ZRANB3: variants seen among roughly 807,000 people sequenced by gnomAD.
ZRANB3 encodes the protein zinc finger RANBP2-type containing 3.
ZRANB3 carries 125 observed loss-of-function variants against 133.8 expected under a neutral mutation model. That is an observed-to-expected ratio of 0.93 (90% CI 0.81 to 1.08). The LOEUF (loss-of-function observed/expected upper bound fraction) is 1.08, where lower values mean the gene tolerates loss of function less well. Ranked by LOEUF, ZRANB3 falls within the 50% of genes least tolerant of loss-of-function variation. ZRANB3 has a pLI of 0.00. For synonymous variants in ZRANB3, 387 were observed against 432.7 expected, an observed-to-expected ratio of 0.89 and a Z score of 1.31; for missense variants, 1,229 against 1,275.5, an observed-to-expected ratio of 0.96 and a Z score of 0.56.
chr2:135,363,928 T>C (rs1170029183), intron 3 of ZRANB3, among the ~76,000 whole-genome samples: 1 of 152,078 alleles, frequency 6.6e-6, no homozygotes, highest in Non-Finnish European at 1.5e-5. Flanking sequence ...AATACAAAAA[T>C]TTGCTGATGT....
At chr2:135,205,776 C>T (rs923881690) in intron 19 of ZRANB3, among the ~76,000 whole-genome samples, 1 of 152,184 alleles carries the variant, frequency 6.6e-6, no homozygotes, top group African/African-American at 2.4e-5. Flanking sequence ...ATTAAAATTA[C>T]ATTTTTCAAT....
intron 10 of ZRANB3, among the ~76,000 whole-genome samples, chr2:135,270,147 CAA>C (rs1680445737): frequency 6.6e-6 from 1 of 151,800 alleles, no homozygotes; most frequent in Admixed American, 6.6e-5. Context: ...AATACAGAGA[CAA>C]ATATATTAAA....
chr2:135,224,296 T>C, intron 15 of ZRANB3, 130 bp downstream of exon 15: 2 of 710,640 alleles, frequency 2.8e-6, no homozygotes, highest in Non-Finnish European at 4.5e-6. Flanking sequence ...ACACAGAAAT[T>C]TGAGAATTAG....
intron 5 of ZRANB3, among the ~76,000 whole-genome samples, chr2:135,346,448 G>A (rs1184038818): frequency 6.6e-6 from 1 of 151,956 alleles, no homozygotes; most frequent in Non-Finnish European, 1.5e-5. Flanking sequence ...TCATATAACT[G>A]TGTGTGTATA....
intron 8 of ZRANB3, among the ~76,000 whole-genome samples, chr2:135,288,273 A>C (rs1005682440): frequency 1.3e-5 from 2 of 152,140 alleles, no homozygotes; most frequent in African/African-American, 2.4e-5. Flanking sequence ...CAGCATCCCT[A>C]ATATGAAACC....
At chr2:135,248,026 T>A (rs183669566) in intron 12 of ZRANB3, among the ~76,000 whole-genome samples, 128 of 152,274 alleles carry the variant, frequency 8.4e-4, no homozygotes, top group African/African-American at 2.9e-3. Flanking sequence ...AACAGGCCTG[T>A]ACCTCCCTGG....
At chr2:135,425,818 G>A (rs1025198634) in intron 2 of ZRANB3, among the ~76,000 whole-genome samples, 4 of 151,792 alleles carry the variant, frequency 2.6e-5, no homozygotes, top group African/African-American at 9.7e-5. Context: ...CCCAAGGATA[G>A]CAGAAGACAA....
intron 2 of ZRANB3, among the ~76,000 whole-genome samples, chr2:135,435,361 T>G (rs1689488124): frequency 6.6e-6 from 1 of 152,164 alleles, no homozygotes; most frequent in Non-Finnish European, 1.5e-5. Flanking sequence ...CCATGGTGTA[T>G]ATGTATCACA....
intron 3 of ZRANB3, among the ~76,000 whole-genome samples, chr2:135,363,798 T>C (rs367788221): frequency 1.3e-5 from 2 of 152,190 alleles, no homozygotes; most frequent in Admixed American, 6.5e-5. Flanking sequence ...AAATTCTGAT[T>C]CAATAGAAAT....
chr2:135,246,249 A>G (rs1005543749), intron 12 of ZRANB3, among the ~76,000 whole-genome samples: 1 of 152,006 alleles, frequency 6.6e-6, no homozygotes, highest in East Asian at 2.0e-4. Flanking sequence ...CAACTCATGG[A>G]GACTCAAGCA....
intron 2 of ZRANB3, among the ~76,000 whole-genome samples, chr2:135,466,900 C>T (rs987026543): frequency 3.9e-5 from 6 of 152,084 alleles, no homozygotes; most frequent in Non-Finnish European, 7.4e-5. Flanking sequence ...TGCAAGTGAT[C>T]CACCTCCAAT....
At chr2:135,470,511 T>C (rs1691208511) in intron 2 of ZRANB3, among the ~76,000 whole-genome samples, 1 of 151,084 alleles carries the variant, frequency 6.6e-6, no homozygotes, top group Admixed American at 6.6e-5. Flanking sequence ...TATAGTGAAA[T>C]CCCATCTCTA....
intron 12 of ZRANB3, among the ~76,000 whole-genome samples, chr2:135,234,535 G>A (rs1412858756): frequency 1.3e-5 from 2 of 152,156 alleles, no homozygotes; most frequent in Admixed American, 6.5e-5. Context: ...CCACATAGTT[G>A]GAAGTAAAGC....
At chr2:135,446,420 T>C (rs548262334) in intron 2 of ZRANB3, among the ~76,000 whole-genome samples, 3 of 152,180 alleles carry the variant, frequency 2.0e-5, no homozygotes, top group Admixed American at 6.5e-5. Context: ...GAGGAGGTGT[T>C]AGAAATTTGA....
chr2:135,353,536 C>G lies in ZRANB3; in HGVS notation c.273G>C (p.Arg91Ser). Residue 91 changes from arginine (R) to serine (S), a missense_variant, in exon 4 of 21, where the codon AGG becomes AGC. Physicochemically the swap from Arg to Ser is moderately radical, Grantham distance 110. Coordinates refer to ENST00000264159, the MANE Select transcript of ZRANB3 (RefSeq NM_032143.4). ...TTTCAATTTCTTCTGTCCAAGGGTA[C>G]CTCAGAGACGAAGGGACCACTATTA... ...PLLIVVPSSLRYPWTEEIEKW... is the reference protein window; with the variant it reads ...PLLIVVPSSLSYPWTEEIEKW... 6.2e-7 allele frequency: 1 copy of G among 1,610,990 alleles called. No individual in the cohort carries two copies. Among genetic ancestry groups the G allele is most frequent in the Non-Finnish European group, 8.5e-7 (1 of 1,178,118 alleles).
intron 6 of ZRANB3, among the ~76,000 whole-genome samples, chr2:135,344,781 T>A (rs1197707577): frequency 6.6e-6 from 1 of 152,006 alleles, no homozygotes; most frequent in Non-Finnish European, 1.5e-5. Context: ...ATATCAAAGC[T>A]CTTTGAGTAA....
intron 6 of ZRANB3, among the ~76,000 whole-genome samples, chr2:135,323,513 A>C (rs1346138553): frequency 1.3e-5 from 2 of 152,204 alleles, no homozygotes; most frequent in Non-Finnish European, 2.9e-5. Context: ...AACAGAACAC[A>C]AACTTGCTCC....
Position 135,269,701 on chromosome 2 carries a change from T to C in ZRANB3, c.1207-560A>G, listed in dbSNP as rs1378428259. Among the ~76,000 whole-genome samples the C allele has an allele frequency of 5.9e-5, 9 of 152,334 alleles. No homozygotes were observed. In the East Asian group the frequency reaches 1.7e-3, roughly 29 times the overall value. On this transcript the variant is annotated intron_variant, in intron 10 of 20. Coordinates refer to ENST00000264159, the MANE Select transcript of ZRANB3 (RefSeq NM_032143.4). ...CTGCATTTTCATGAATTTGAAATAGTGTGACATAAAAATATTAACTAAGTC... is the reference window on the plus strand; with the variant it reads ...CTGCATTTTCATGAATTTGAAATAGCGTGACATAAAAATATTAACTAAGTC...
intron 3 of ZRANB3, among the ~76,000 whole-genome samples, chr2:135,365,044 C>G (rs1453720406): frequency 1.6e-5 from 2 of 128,644 alleles, no homozygotes; most frequent in South Asian, 4.8e-4. Context: ...GACTCTGTCT[C>G]AAAAAAAAAA....
Sources: allele counts gnomAD v4.1 joint callset (sites outside exome capture counted in the v4.1 genomes callset), GRCh38; gene constraint gnomAD v4.1.1; transcripts MANE v1.5; gene names NCBI Gene and HGNC (gene_info 2026-07-23, HGNC 2026-07-21).